CDH11: variants seen among roughly 807,000 people sequenced by gnomAD.
CDH11 encodes the protein cadherin-11.
Under a neutral mutation model 67.8 loss-of-function variants are expected in CDH11, and 11 were observed. The ratio of observed to expected loss-of-function variants is 0.16; its 90% CI spans 0.10 to 0.27. The LOEUF is 0.27. Among genes scored for constraint, CDH11 ranks in the 10% least tolerant of loss-of-function variants. The pLI is 1.00. For missense variants in CDH11, 847 were observed against 1,031.2 expected (o/e 0.82, Z 2.45); for synonymous variants, 419 against 400.0 (o/e 1.05, Z -0.57).
At chr16:65,038,539 A>T (rs568648375) in intron 2 of CDH11, among the ~76,000 whole-genome samples, 34 of 152,300 alleles carry the variant, frequency 2.2e-4, no homozygotes, top group African/African-American at 7.5e-4. Flanking sequence ...TCCTTCCACA[A>T]AGGAGAAAAG....
At chr16:64,989,472 G>C (rs1182072352) in intron 6 of CDH11, among the ~76,000 whole-genome samples, 1 of 152,162 alleles carries the variant, frequency 6.6e-6, no homozygotes, top group Admixed American at 6.6e-5. Context: ...TAAAATGACT[G>C]AGGAAGACAA....
intron 2 of CDH11, among the ~76,000 whole-genome samples, chr16:65,018,402 C>G (rs1251001504): frequency 6.6e-6 from 1 of 151,960 alleles, no homozygotes; most frequent in African/African-American, 2.4e-5. Flanking sequence ...TCAATTTTGT[C>G]TGGTTACAAA....
At chr16:65,002,922 CTTT>C (rs1296289797) in intron 3 of CDH11, among the ~76,000 whole-genome samples, 2 of 149,792 alleles carry the variant, frequency 1.3e-5, no homozygotes, top group African/African-American at 4.9e-5. Context: ...TATTCATTTT[CTTT>C]TTTTCTTTTT....
At chr16:65,072,990 TATC>T (rs1171733550) in intron 1 of CDH11, among the ~76,000 whole-genome samples, 3 of 152,244 alleles carry the variant, frequency 2.0e-5, no homozygotes. Flanking sequence ...CCTTGATCAT[TATC>T]ATCATCATTA....
chr16:65,123,033 G>GACTC (rs2075361580), upstream of CDH11, among the ~76,000 whole-genome samples: 1 of 152,148 alleles, frequency 6.6e-6, no homozygotes, highest in Non-Finnish European at 1.5e-5. Context: ...CCTCACTGAC[G>GACTC]ACTCGCTACC....
At position 64,988,139 on chromosome 16, in the gene CDH11, T is replaced by G; in HGVS notation, c.999+18A>C. 4 of 1,591,616 alleles carry G rather than the reference T, an allele frequency of 2.5e-6. No individual in the cohort carries two copies. The highest frequency in any genetic ancestry group is 3.4e-6 in the Non-Finnish European group (4 of 1,167,044). The stretch of plus-strand genomic sequence containing the variant: ...CAGGCCATACCACTGACACGTCTGA[T>G]TCCTTACCCTAACTCACCTTTTTCA... On this transcript the variant is annotated intron_variant, in intron 7 of 12. Transcript: ENST00000268603.
At chr16:65,083,459 T>G (rs2074645469) in intron 1 of CDH11, among the ~76,000 whole-genome samples, 1 of 152,212 alleles carries the variant, frequency 6.6e-6, no homozygotes, top group African/African-American at 2.4e-5. Context: ...TCTCATTTGA[T>G]AAGCTGCTTC....
chr16:65,099,671 G>C (rs2074957383), intron 1 of CDH11, among the ~76,000 whole-genome samples: 1 of 152,146 alleles, frequency 6.6e-6, no homozygotes, highest in Non-Finnish European at 1.5e-5. Flanking sequence ...GAAAAGAGTA[G>C]ATGGAGATGT....
chr16:64,975,281 G>A (rs543628839), intron 8 of CDH11, among the ~76,000 whole-genome samples: 12 of 152,292 alleles, frequency 7.9e-5, no homozygotes, highest in African/African-American at 2.4e-4. Flanking sequence ...GCTCTCATAT[G>A]TAAGAGTGTG....
In CDH11 at chr16:64,947,828, G is replaced by A; in HGVS notation, c.2166C>T (p.Asn722=). ...CATTGTCTGCCTCCTGTATTCTCGT[G>A]TTGATGAAGTCATCGACATCCACGC... The part of the protein sequence containing the change: ...PNSVDVDDFI[N]TRIQEADNDP... The change falls in exon 13 of 13, where the codon AAC becomes AAT. Residue 722 remains asparagine (N), a synonymous_variant. Coordinates refer to ENST00000268603, the MANE Select transcript of CDH11 (RefSeq NM_001797.4). 6.2e-7 allele frequency: 1 copy of A among 1,614,158 alleles called. No individual in the cohort carries two copies. Among genetic ancestry groups the A allele is most frequent in the Admixed American group, 1.7e-5 (1 of 60,018 alleles).
At chr16:65,059,774 C>T (rs1001996730) in intron 1 of CDH11, 4 of 152,176 alleles carry the variant, frequency 2.6e-5, no homozygotes, top group Admixed American at 6.5e-5. Flanking sequence ...TCTTATCAGC[C>T]GCATTTACAA....
intron 8 of CDH11, among the ~76,000 whole-genome samples, chr16:64,973,318 CT>C (rs1198818382): frequency 1.3e-5 from 2 of 152,166 alleles, no homozygotes; most frequent in Non-Finnish European, 2.9e-5. Context: ...TCCATATTTA[CT>C]ACAATCACCC....
At chr16:65,015,966 G>A (rs984695698) in intron 2 of CDH11, among the ~76,000 whole-genome samples, 3 of 152,138 alleles carry the variant, frequency 2.0e-5, no homozygotes, top group Non-Finnish European at 4.4e-5. Flanking sequence ...TATCCATCCA[G>A]CTTAATCAGA....
intron 11 of CDH11, among the ~76,000 whole-genome samples, chr16:64,959,617 T>A (rs534647683): frequency 6.6e-6 from 1 of 152,114 alleles, no homozygotes; most frequent in Non-Finnish European, 1.5e-5. Flanking sequence ...ACTGCAGCAA[T>A]GAATTTTAGG....
chr16:65,016,860 G>T (rs1229987292), intron 2 of CDH11, among the ~76,000 whole-genome samples: 1 of 152,106 alleles, frequency 6.6e-6, no homozygotes, highest in Non-Finnish European at 1.5e-5. Flanking sequence ...AAACAAAGGG[G>T]GTATCATTCA....
At chr16:64,958,384 T>A (rs569043321) in intron 11 of CDH11, among the ~76,000 whole-genome samples, 9 of 141,308 alleles carry the variant, frequency 6.4e-5, no homozygotes, top group African/African-American at 2.0e-4. Context: ...AATATCTTCA[T>A]CTTGCTATCT....
At chr16:64,997,401 G>C (rs1051310282) in intron 4 of CDH11, among the ~76,000 whole-genome samples, 21 of 141,222 alleles carry the variant, frequency 1.5e-4, no homozygotes, top group African/African-American at 5.2e-4. Context: ...AAAAAAAAAA[G>C]CCTGAATTTT....
chr16:65,053,099 A>G (rs1179577966), intron 2 of CDH11, among the ~76,000 whole-genome samples: 2 of 152,234 alleles, frequency 1.3e-5, no homozygotes, highest in Non-Finnish European at 2.9e-5. Flanking sequence ...ATTCCCCAAG[A>G]GTGGAAAGTC....
intron 6 of CDH11, among the ~76,000 whole-genome samples, chr16:64,990,473 G>T (rs551071424): frequency 6.6e-6 from 1 of 151,970 alleles, no homozygotes; most frequent in African/African-American, 2.4e-5. Context: ...AACTGAAAAA[G>T]ACACTTTCAT....
Sources: gnomAD v4.1 joint callset for allele counts (sites outside exome capture counted in the v4.1 genomes callset) on GRCh38, gnomAD v4.1.1 for gene constraint, MANE v1.5 for transcripts, NCBI Gene and HGNC (gene_info 2026-07-23, HGNC 2026-07-21) for gene names.